Variants in VPS53 observed in about 807,000 individuals in gnomAD.
The protein encoded by VPS53 is VPS53 subunit of GARP complex, also known as vacuolar protein sorting-associated protein 53 homolog.
Under a neutral mutation model 107.0 loss-of-function variants are expected in VPS53, and 70 were observed. The ratio of observed to expected loss-of-function variants is 0.65; its 90% CI spans 0.54 to 0.80. The LOEUF is 0.80. Ranked by LOEUF, VPS53 falls within the 30% of genes least tolerant of loss-of-function variation. The probability of loss-of-function intolerance (pLI) is 0.00; values close to 1 mark genes in which losing one functional copy is unlikely to be tolerated. For synonymous variants in VPS53, 409 were observed against 393.3 expected (o/e 1.04, Z -0.47); for missense variants, 917 against 1,049.4 (o/e 0.87, Z 1.74).
Position 601,779 on chromosome 17 carries a change from C to A in VPS53, c.1218+16G>T, listed in dbSNP as rs201167971. On this transcript the variant is annotated intron_variant, in intron 12 of 21. Coordinates refer to ENST00000437048, the MANE Select transcript of VPS53 (RefSeq NM_001128159.3). ...ACATTGGGTAGGTTACCCGTGGTGA[C>A]GCAAACCAGACTTACTTGATCTAAA... 8 of 1,573,790 alleles carry A rather than the reference C, an allele frequency of 5.1e-6. No individual in the cohort carries two copies. The highest frequency in any genetic ancestry group is 6.9e-6 in the Non-Finnish European group (8 of 1,157,916).
chr17:602,003 A>G (rs1968349374), intron 11 of VPS53, 107 bp from the exon 12 acceptor site: 2 of 803,562 alleles, frequency 2.5e-6, no homozygotes, highest in Non-Finnish European at 3.7e-6. Flanking sequence ...CATGCACGCT[A>G]TCTGATAAAG....
intron 4 of VPS53, among the ~76,000 whole-genome samples, chr17:666,493 GTC>G: frequency 6.6e-6 from 1 of 152,164 alleles, no homozygotes; most frequent in East Asian, 1.9e-4. Flanking sequence ...ATGAAACCCT[GTC>G]TCTACTCAAA....
rs1908523651 is a variant in VPS53, at chr17:519,130, A to G, written c.2497T>C (p.Ter833GlnextTer63). Residue 833 changes from the stop codon to glutamine, a stop_lost, in exon 22 of 22, where the codon TAG becomes CAG. Coordinates refer to ENST00000437048, the MANE Select transcript of VPS53 (RefSeq NM_001128159.3). The surrounding 1 kb of genome is among the most constrained non-coding windows in gnomAD (Gnocchi z 5.0). ...KLEKLIKKRL[*>Q] ...GAGCAAAGGGCCCCTTGCTGCTGCTACAGTCTCTTTTTAATGAGTTTCTCG... is the reference window on the plus strand; with the variant it reads ...GAGCAAAGGGCCCCTTGCTGCTGCTGCAGTCTCTTTTTAATGAGTTTCTCG... 1 of 1,510,144 alleles carries G rather than the reference A, an allele frequency of 6.6e-7. No homozygotes were observed. Among genetic ancestry groups the G allele is most frequent in the Non-Finnish European group, 8.9e-7 (1 of 1,127,382 alleles). 93.5% of individuals were successfully genotyped at this position (1,510,144 alleles called of 1,614,324 possible).
Position 641,662 on chromosome 17 carries a change from C to T in VPS53, c.609-10034G>A, listed in dbSNP as rs143042344. On this transcript the variant is annotated intron_variant, in intron 7 of 21. Coordinates refer to ENST00000437048, the MANE Select transcript of VPS53 (RefSeq NM_001128159.3). Reference sequence around the variant, plus strand: ...TAGAGATGGAGTTTTGCCATGTTGCCCAGGCTGATCTCAAACTCCTGGGCT... The same window carrying T: ...TAGAGATGGAGTTTTGCCATGTTGCTCAGGCTGATCTCAAACTCCTGGGCT... 6.6e-5 allele frequency among the ~76,000 whole-genome samples: 10 copies of T among 152,230 alleles called. No homozygotes were observed. The East Asian group carries it at 1.9e-3, about 29-fold the overall frequency.
intron 17 of VPS53, 62 bp from the exon 18 acceptor site, chr17:537,238 G>A: frequency 6.4e-7 from 1 of 1,570,604 alleles, no homozygotes; most frequent in Non-Finnish European, 8.7e-7. Context: ...GCCTGTTACT[G>A]GGGAAGGGAG....
chr17:628,311 ATCTC>A, intron 8 of VPS53, 80 bp from the exon 9 acceptor site: 1 of 1,526,196 alleles, frequency 6.6e-7, no homozygotes, highest in Admixed American at 1.9e-5. Context: ...ACTACTTGTT[ATCTC>A]TACGCATTGT....
intron 8 of VPS53, 67 bp downstream of exon 8, chr17:631,483 T>A (rs1969957648): frequency 2.0e-6 from 3 of 1,502,974 alleles, no homozygotes; most frequent in African/African-American, 2.8e-5. Context: ...ACATGGTGAC[T>A]GGGGTGAGCG....
At chr17:690,879 C>G (rs1972754856) in intron 4 of VPS53, among the ~76,000 whole-genome samples, 1 of 152,146 alleles carries the variant, frequency 6.6e-6, no homozygotes, top group Admixed American at 6.6e-5. Context: ...CTAGAAAAAT[C>G]AATAAGTTTT....
chr17:568,227 C>T (rs573719916), intron 13 of VPS53, among the ~76,000 whole-genome samples: 11 of 152,016 alleles, frequency 7.2e-5, no homozygotes, highest in Non-Finnish European at 1.5e-4. Context: ...CTGAAGATCC[C>T]CATTAAGTTA....
chr17:644,734 T>G (rs1016817075), intron 7 of VPS53, among the ~76,000 whole-genome samples: 2 of 151,906 alleles, frequency 1.3e-5, no homozygotes, highest in African/African-American at 4.8e-5. Context: ...CAGGCACACA[T>G]CACCACACCA....
rs143701562 is a variant in VPS53, at chr17:674,968, T to C, written c.286-13073A>G. 9 of 152,364 alleles carry C rather than the reference T, an allele frequency of 5.9e-5. No homozygotes were observed. In the East Asian group the frequency reaches 7.7e-4, roughly 13 times the overall value. The allele number at this position is 152,364 out of a possible 1,614,324, so 9.4% of individuals were successfully genotyped here. A position where few individuals can be genotyped will look rare whatever the true frequency, so the allele number is the denominator to read the frequency against. On this transcript the variant is annotated intron_variant, in intron 4 of 21. Coordinates refer to ENST00000437048, the MANE Select transcript of VPS53 (RefSeq NM_001128159.3). ...GAATCGAGTAAATCAAGTAAAGTAA[T>C]ATATGCAACAATATTTTGCAAGGTA... is the stretch of plus-strand genomic sequence containing the variant.
At position 659,415 on chromosome 17, in the gene VPS53, G is replaced by A. The variant is rs183482559; in HGVS notation, c.372+2394C>T. 4.1e-4 allele frequency among the ~76,000 whole-genome samples: 63 copies of A among 152,168 alleles called. No individual in the cohort carries two copies. The East Asian group carries it at 0.012, about 29-fold the overall frequency. ...TCTGCCTCAGCCTCCAGAGTAGCTG[G>A]GATTACAGGTGTGCTCCACGACGCC... On this transcript the variant is annotated intron_variant, in intron 5 of 21. Transcript: ENST00000437048.
rs796225178 is a variant in VPS53, at chr17:653,480, C to A, written c.489-70G>T. On this transcript the variant is annotated intron_variant, in intron 6 of 21. Transcript: ENST00000437048. Reference sequence around the variant, plus strand: ...ACGCAAGATACAGACACAGAACAACCCACGCTAGCTCTCAAACAGATATCA... The same window carrying A: ...ACGCAAGATACAGACACAGAACAACACACGCTAGCTCTCAAACAGATATCA... The A allele has an allele frequency of 6.9e-6, 11 of 1,603,118 alleles. No individual in the cohort carries two copies. In the African/African-American group the frequency reaches 1.5e-4, roughly 21 times the overall value.
chr17:589,253 TTTACTGAC>T (rs1279910536), intron 12 of VPS53, among the ~76,000 whole-genome samples: 1 of 151,890 alleles, frequency 6.6e-6, no homozygotes, highest in Non-Finnish European at 1.5e-5. Flanking sequence ...TGTATTCAGC[TTTACTGAC>T]TTACTAATTT....
intron 19 of VPS53, among the ~76,000 whole-genome samples, chr17:526,309 A>G (rs892662018): frequency 6.6e-6 from 1 of 152,220 alleles, no homozygotes; most frequent in Non-Finnish European, 1.5e-5. Context: ...TATATGCATA[A>G]ATAATTGTAC....
intron 16 of VPS53, among the ~76,000 whole-genome samples, chr17:552,371 G>A (rs1430418274): frequency 6.6e-6 from 1 of 152,074 alleles, no homozygotes; most frequent in East Asian, 1.9e-4. Context: ...AGTGGTTGAT[G>A]TGAAAGCTGA....
chr17:653,506 ACTCAGC>A, intron 6 of VPS53, 96 bp from the exon 7 acceptor site: 3 of 1,564,334 alleles, frequency 1.9e-6, no homozygotes, highest in Non-Finnish European at 2.6e-6. Context: ...ACAGATATCA[ACTCAGC>A]TGAATCAACG....
chr17:519,656 G>A lies in VPS53; in HGVS notation c.2328+170C>T, dbSNP rs2034087. Among the ~76,000 whole-genome samples, 26,578 of 152,090 alleles carry A rather than the reference G, an allele frequency of 0.17. 4,935 individuals carry two copies. Among genetic ancestry groups the A allele is most frequent in the African/African-American group, 0.45 (18,722 of 41,440 alleles). On this transcript the variant is annotated intron_variant, in intron 21 of 21. Transcript: ENST00000437048. The surrounding 1 kb of genome is among the most constrained non-coding windows in gnomAD (Gnocchi z 5.0). Reference sequence around the variant, plus strand: ...GGCCTGTCAGAATCCTGAAGTGCACGTGCCCGGGGCCATCCTCCTCCAGAG... The same window carrying A: ...GGCCTGTCAGAATCCTGAAGTGCACATGCCCGGGGCCATCCTCCTCCAGAG...
At chr17:617,219 G>A (rs980341070) in intron 11 of VPS53, among the ~76,000 whole-genome samples, 6 of 152,120 alleles carry the variant, frequency 3.9e-5, no homozygotes, top group Non-Finnish European at 5.9e-5. Context: ...GCTTGTCGCC[G>A]GGCAGATCTC....
Sources: gnomAD v4.1 joint callset for allele counts (sites outside exome capture counted in the v4.1 genomes callset) on GRCh38, gnomAD v4.1.1 for gene constraint, Gnocchi (gnomAD v3.1) non-coding constraint, MANE v1.5 for transcripts, NCBI Gene and HGNC (gene_info 2026-07-23, HGNC 2026-07-21) for gene names.